Variants in EP400 observed in about 807,000 individuals in gnomAD.
EP400 encodes the protein E1A binding protein p400.
EP400 carries 105 observed loss-of-function variants against 354.1 expected under a neutral mutation model. The observed-to-expected ratio is 0.30, with a 90% CI of 0.25 to 0.35. The LOEUF (loss-of-function observed/expected upper bound fraction) is 0.35. Among genes scored for constraint, EP400 ranks in the 10% least tolerant of loss-of-function variants. The probability of loss-of-function intolerance (pLI) is 1.00; values close to 1 mark genes in which losing one functional copy is unlikely to be tolerated. For synonymous variants in EP400, 1,646 were observed against 1,716.9 expected (o/e 0.96, Z 1.02); for missense variants, 3,280 against 4,121.0 (o/e 0.80, Z 5.59).
Position 132,062,147 on chromosome 12 carries a change from C to T in EP400, c.7922C>T (p.Thr2641Ile). 1.2e-6 allele frequency: 2 copies of T among 1,613,810 alleles called. No individual in the cohort carries two copies. Among genetic ancestry groups the T allele is most frequent in the Non-Finnish European group, 1.7e-6 (2 of 1,179,892 alleles). ...TCTGCTCCCGCCCAGGTGGTGCACA[C>T]CCAGCCCCCGCCACGGGCAGTCGGC... ...GGSAPAQVVH[T>I]QPPPRAVGSP... Residue 2641 changes from threonine to isoleucine, a missense_variant, in exon 46 of 53, where the codon ACC becomes ATC. Around this residue, in one of 20 missense-constraint regions of EP400, gnomAD observed 255 missense variants for 295.9 expected, o/e 0.86. Coordinates refer to ENST00000389561, the MANE Select transcript of EP400 (RefSeq NM_015409.5).
In EP400 at chr12:131,963,740, T is replaced by C. The variant is rs1891979749; in HGVS notation, c.1335+1786T>C. 3.4e-6 allele frequency: 3 copies of C among 876,364 alleles called. No individual in the cohort carries two copies. In the African/African-American group the frequency reaches 5.0e-5, roughly 15 times the overall value. The allele number at this position is 876,364 out of a possible 1,614,324, so 54.3% of individuals were successfully genotyped here. ...ATACTACTTGCTCTTCAGCATTTTT[T>C]TTCCAGAGCCCATTTCTTATTTTTC... On this transcript the variant is annotated intron_variant, in intron 2 of 52. Transcript: ENST00000389561.
rs1427408737 is a variant in EP400 at position 132,027,458 on chromosome 12, C to T, written c.5036C>T (p.Ala1679Val). ...GTAGTTGGCGTTCCGGGCCGCGTGGCGGTGAATGCCTTGGCTGTAGGAGAA... is the reference window on the plus strand; with the variant it reads ...GTAGTTGGCGTTCCGGGCCGCGTGGTGGTGAATGCCTTGGCTGTAGGAGAA... ...TPQVGVPGRVAVNALAVGEPG... is the reference protein window; with the variant it reads ...TPQVGVPGRVVVNALAVGEPG... Residue 1679 changes from alanine to valine, a missense_variant, in exon 26 of 53, where the codon GCG (alanine) becomes GTG (valine). Ala to Val is a moderately conservative substitution (Grantham distance 64, BLOSUM62 0). This residue lies in a region of EP400 where 459 missense variants were observed against 496.9 expected (regional missense o/e 0.92). Coordinates refer to ENST00000389561, the MANE Select transcript of EP400 (RefSeq NM_015409.5). The surrounding 1 kb of genome is among the most constrained non-coding windows in gnomAD (Gnocchi z 4.9). 23 of 1,614,084 alleles carry T rather than the reference C, an allele frequency of 1.4e-5. No homozygotes were observed. The highest frequency in any genetic ancestry group is 1.8e-5 in the Non-Finnish European group (21 of 1,180,030).
intron 45 of EP400, among the ~76,000 whole-genome samples, chr12:132,060,785 A>G (rs979205125): frequency 1.8e-4 from 28 of 152,070 alleles, no homozygotes; most frequent in Non-Finnish European, 2.6e-4. Flanking sequence ...GTGGTGGCAC[A>G]TGCCTGTAAT....
At chr12:132,071,300 T>G (rs1268208577) in intron 51 of EP400, among the ~76,000 whole-genome samples, 1 of 152,118 alleles carries the variant, frequency 6.6e-6, no homozygotes, top group African/African-American at 2.4e-5. Flanking sequence ...GATACCCAGA[T>G]TCATGTCTGT....
chr12:132,036,810 C>T (rs1207574569), intron 30 of EP400, among the ~76,000 whole-genome samples: 1 of 152,190 alleles, frequency 6.6e-6, no homozygotes, highest in Non-Finnish European at 1.5e-5. Flanking sequence ...AAAGTCTTCC[C>T]AGGTGGTGGT....
At chr12:132,073,160 A>G (rs1896113685) in intron 51 of EP400, among the ~76,000 whole-genome samples, 1 of 135,512 alleles carries the variant, frequency 7.4e-6, no homozygotes, top group Non-Finnish European at 1.6e-5. Context: ...TTTTGTTTGG[A>G]CTCTGTTTGT....
intron 32 of EP400, among the ~76,000 whole-genome samples, chr12:132,041,365 TGGA>T (rs994279175): frequency 2.6e-5 from 4 of 152,176 alleles, no homozygotes; most frequent in African/African-American, 7.2e-5. Flanking sequence ...CAGCATCTGG[TGGA>T]GGAGGAGGAT....
At chr12:132,024,777 G>A (rs563308928) in intron 24 of EP400, among the ~76,000 whole-genome samples, 1 of 137,432 alleles carries the variant, frequency 7.3e-6, no homozygotes, top group South Asian at 2.4e-4. Flanking sequence ...CACCTTCCTC[G>A]ACAGCAGCCT....
chr12:132,067,003 T>G lies in EP400; in HGVS notation c.8749+34T>G. ...CCCAGCACACCCTCCCGTCCTGGGCTTGAGCCTGGTTTCACAGGCCTCTCT... is the reference window on the plus strand; with the variant it reads ...CCCAGCACACCCTCCCGTCCTGGGCGTGAGCCTGGTTTCACAGGCCTCTCT... On this transcript the variant is annotated intron_variant, in intron 49 of 52. Coordinates refer to ENST00000389561, the MANE Select transcript of EP400 (RefSeq NM_015409.5). The surrounding 1 kb of genome is among the most constrained non-coding windows in gnomAD (Gnocchi z 5.3). The G allele has an allele frequency of 6.6e-7, 1 of 1,525,618 alleles. No homozygotes were observed. Among genetic ancestry groups the G allele is most frequent in the Non-Finnish European group, 8.8e-7 (1 of 1,140,178 alleles). The allele number at this position is 1,525,618 out of a possible 1,614,324, so 94.5% of individuals were successfully genotyped here.
In EP400 at chr12:132,030,232, TC is replaced by T. The variant is rs1420522380; in HGVS notation, c.5754+75del. The T allele has an allele frequency of 4.3e-5, 66 of 1,537,294 alleles. No individual in the cohort carries two copies. In the African/African-American group the frequency reaches 8.1e-4, roughly 19 times the overall value. On this transcript the variant is annotated intron_variant, in intron 29 of 52. Transcript: ENST00000389561. Reference sequence around the variant, plus strand: ...TTGAATGCCTAAGTGCTGTGTAAATTCAGTGGTCTCATGGCCCTTCTAAGTG... The same window carrying T: ...TTGAATGCCTAAGTGCTGTGTAAATTAGTGGTCTCATGGCCCTTCTAAGTG...
At chr12:131,952,974 C>T in intron 1 of EP400, among the ~76,000 whole-genome samples, 1 of 152,144 alleles carries the variant, frequency 6.6e-6, no homozygotes, top group East Asian at 1.9e-4. Flanking sequence ...CATCAGCTCC[C>T]CACAGCTACC....
intron 12 of EP400, among the ~76,000 whole-genome samples, chr12:131,995,901 C>T (rs970210375): frequency 4.0e-5 from 6 of 151,450 alleles, no homozygotes; most frequent in East Asian, 3.9e-4. Context: ...CTGAATGTAC[C>T]GTTCATCCTG....
intron 9 of EP400, among the ~76,000 whole-genome samples, chr12:131,991,180 A>C (rs1330541594): frequency 6.6e-6 from 1 of 152,152 alleles, no homozygotes; most frequent in Non-Finnish European, 1.5e-5. Context: ...GTGTTCCCCC[A>C]TTATTGATGA....
chr12:132,058,629 C>T (rs762803930), intron 45 of EP400, among the ~76,000 whole-genome samples: 3 of 152,058 alleles, frequency 2.0e-5, no homozygotes, highest in Admixed American at 2.0e-4. Context: ...GGGTTACAGG[C>T]GTGAGCCACC....
intron 2 of EP400, among the ~76,000 whole-genome samples, chr12:131,973,817 T>C (rs2136481288): frequency 6.6e-6 from 1 of 152,282 alleles, no homozygotes; most frequent in African/African-American, 2.4e-5. Context: ...AGTGCAGCTA[T>C]AGTATAAAAA....
intron 45 of EP400, among the ~76,000 whole-genome samples, chr12:132,058,734 C>T (rs1422582253): frequency 6.6e-6 from 1 of 151,962 alleles, no homozygotes; most frequent in Non-Finnish European, 1.5e-5. Flanking sequence ...TTAACGTGCT[C>T]CTACGTATGT....
chr12:131,997,343 A>C (rs1364292697), intron 12 of EP400, among the ~76,000 whole-genome samples: 2 of 150,714 alleles, frequency 1.3e-5, no homozygotes, highest in East Asian at 3.9e-4. Context: ...ATCACAGCTC[A>C]TTGCAGCCTT....
intron 2 of EP400, among the ~76,000 whole-genome samples, chr12:131,965,770 T>C (rs965655575): frequency 6.6e-6 from 1 of 152,342 alleles, no homozygotes; most frequent in Non-Finnish European, 1.5e-5. Context: ...TTCAGATTCA[T>C]CTACTTTGTT....
chr12:132,062,876 A>C (rs753904368), intron 47 of EP400, among the ~76,000 whole-genome samples, 175 bp downstream of exon 47: 5 of 152,212 alleles, frequency 3.3e-5, no homozygotes, highest in Non-Finnish European at 7.3e-5. Context: ...CCCATGTCAT[A>C]ACACTTTGAT....
Sources: gnomAD v4.1 joint callset for allele counts (sites outside exome capture counted in the v4.1 genomes callset) on GRCh38, gnomAD v4.1.1 for gene constraint, gnomAD v4.1.1 regional missense constraint, Gnocchi (gnomAD v3.1) non-coding constraint, MANE v1.5 for transcripts, NCBI Gene and HGNC (gene_info 2026-07-23, HGNC 2026-07-21) for gene names.